Variants in NF1 observed in about 807,000 individuals in gnomAD.
NF1 encodes neurofibromin 1.
NF1 carries 122 observed loss-of-function variants against 325.7 expected under a neutral mutation model. The ratio of observed to expected loss-of-function variants is 0.37; its 90% CI spans 0.32 to 0.44. The LOEUF (loss-of-function observed/expected upper bound fraction) is 0.44. Among genes scored for constraint, NF1 ranks in the 20% least tolerant of loss-of-function variants. NF1 has a pLI of 1.00. For missense variants in NF1, 2,140 were observed against 3,415.4 expected (o/e 0.63, Z 9.31); for synonymous variants, 1,091 against 1,186.0 (o/e 0.92, Z 1.65).
intron 12 of NF1, among the ~76,000 whole-genome samples, chr17:31,212,505 C>G (rs8072036): frequency 1.5e-4 from 23 of 152,242 alleles, no homozygotes; most frequent in African/African-American, 5.5e-4. Flanking sequence ...GATCAGGAGT[C>G]GAGACCAGCC....
chr17:31,196,774 G>C (rs372460077), intron 8 of NF1, among the ~76,000 whole-genome samples: 2 of 152,050 alleles, frequency 1.3e-5, no homozygotes, highest in East Asian at 1.9e-4. Context: ...AGTTTTCCTA[G>C]CATCATTTGT....
chr17:31,112,298 G>A (rs1281910693), intron 1 of NF1, among the ~76,000 whole-genome samples: 1 of 151,984 alleles, frequency 6.6e-6, no homozygotes, highest in African/African-American at 2.4e-5. Flanking sequence ...AGTAGAAATG[G>A]GTGGATCATA....
chr17:31,262,006 ATTAT>A, intron 35 of NF1, 149 bp downstream of exon 35: 4 of 675,786 alleles, frequency 5.9e-6, no homozygotes, highest in Middle Eastern at 4.2e-4. Flanking sequence ...CCAACTATAT[ATTAT>A]TTATATATAT....
chr17:31,169,327 A>G (rs1421111312), intron 4 of NF1, among the ~76,000 whole-genome samples: 2 of 152,198 alleles, frequency 1.3e-5, no homozygotes, highest in African/African-American at 2.4e-5. Flanking sequence ...AAAGTCGGCA[A>G]TATTTAGACA....
Position 31,261,655 on chromosome 17 carries a change from G to A in NF1, c.4578-56G>A. The A allele has an allele frequency of 2.5e-6, 4 of 1,594,796 alleles. No homozygotes were observed. In the South Asian group the frequency reaches 3.3e-5, roughly 13 times the overall value. On this transcript the variant is annotated intron_variant, in intron 34 of 57. Coordinates refer to ENST00000358273, the MANE Select transcript of NF1 (RefSeq NM_001042492.3). The stretch of plus-strand genomic sequence containing the variant: ...GCAACCAGTTACAAGTTAAAGAAAT[G>A]TGTAGTGCTAAATGTGAACTGCTAA...
intron 14 of NF1, among the ~76,000 whole-genome samples, chr17:31,221,304 T>C (rs1398985619): frequency 1.3e-5 from 2 of 152,140 alleles, no homozygotes; most frequent in Admixed American, 1.3e-4. Context: ...CTGTGGTCAA[T>C]TGAAATACTT....
At chr17:31,352,529 C>T (rs1015219534) in intron 51 of NF1, 115 bp downstream of exon 51, 1 of 1,016,886 alleles carries the variant, frequency 9.8e-7, no homozygotes, top group Non-Finnish European at 1.4e-6. Context: ...GTCAGTGTAG[C>T]AAAGTTTTTG....
intron 4 of NF1, among the ~76,000 whole-genome samples, chr17:31,167,418 G>A (rs1363951303): frequency 1.3e-5 from 2 of 152,148 alleles, no homozygotes; most frequent in Non-Finnish European, 2.9e-5. Flanking sequence ...GGAAGAATAG[G>A]ATTGATTACA....
At chr17:31,270,412 C>T (rs925439172) in intron 36 of NF1, among the ~76,000 whole-genome samples, 1 of 152,176 alleles carries the variant, frequency 6.6e-6, no homozygotes, top group Non-Finnish European at 1.5e-5. Flanking sequence ...AGTTTGAGAT[C>T]AGCTTGGGCA....
intron 38 of NF1, 22 bp from the exon 39 acceptor site, chr17:31,330,274 C>T (rs943309149): frequency 9.3e-6 from 15 of 1,608,706 alleles, no homozygotes; most frequent in Non-Finnish European, 1.3e-5. Context: ...TTTAAAACAA[C>T]TTCATTTGTG....
chr17:31,318,550 GATAGAA>G (rs2069088705), intron 36 of NF1: 2 of 1,614,072 alleles, frequency 1.2e-6, no homozygotes, highest in Non-Finnish European at 1.7e-6. Flanking sequence ...AACCACAGTT[GATAGAA>G]ATAGAAAGGT....
At chr17:31,099,842 T>G (rs1001976884) in intron 1 of NF1, among the ~76,000 whole-genome samples, 1 of 152,026 alleles carries the variant, frequency 6.6e-6, no homozygotes, top group Non-Finnish European at 1.5e-5. Context: ...ATTACAGGCG[T>G]GAGCCACCAC....
chr17:31,143,281 T>A (rs1470191434), intron 1 of NF1, among the ~76,000 whole-genome samples: 1 of 151,750 alleles, frequency 6.6e-6, no homozygotes, highest in African/African-American at 2.4e-5. Context: ...ACACACACAC[T>A]CTTTGAGACG....
rs113453118 is a variant in NF1, at chr17:31,282,060, GA to G, written c.4835+16736del. On this transcript the variant is annotated intron_variant, in intron 36 of 57. Coordinates refer to ENST00000358273, the MANE Select transcript of NF1 (RefSeq NM_001042492.3). ...GGACAATGGAGAGAGACCCTGTCTG[GA>G]AAAAAAAAAAAAAATCTTTTTTTTA... Among the ~76,000 whole-genome samples, 751 of 137,814 alleles carry G rather than the reference GA, an allele frequency of 5.4e-3. 1 individual carries two copies. Among genetic ancestry groups the G allele is most frequent in the African/African-American group, 0.011 (405 of 37,626 alleles). The allele number at this position is 137,814 out of a possible 152,430, so 90.4% of individuals were successfully genotyped here. A position where few individuals can be genotyped will look rare whatever the true frequency, so the allele number is the denominator to read the frequency against.
At chr17:31,195,681 T>C (rs534840259) in intron 8 of NF1, among the ~76,000 whole-genome samples, 26 of 146,808 alleles carry the variant, frequency 1.8e-4, no homozygotes, top group Non-Finnish European at 1.4e-4. Flanking sequence ...TCCATTCATG[T>C]TGCCTTGAAA....
chr17:31,171,936 G>GA (rs1015970344), intron 5 of NF1, among the ~76,000 whole-genome samples: 2 of 152,192 alleles, frequency 1.3e-5, no homozygotes, highest in Non-Finnish European at 2.9e-5. Flanking sequence ...GTTATTTGCA[G>GA]AAAAAAACTA....
intron 36 of NF1, among the ~76,000 whole-genome samples, chr17:31,284,886 C>T (rs1408593057): frequency 2.0e-5 from 3 of 152,062 alleles, no homozygotes; most frequent in Middle Eastern, 3.4e-3. Context: ...ATTAGGAGGC[C>T]GAGGTGGGCA....
In NF1 at chr17:31,360,852, C is replaced by T; in HGVS notation, c.8377+149C>T. On this transcript the variant is annotated intron_variant, in intron 57 of 57. Transcript: ENST00000358273. ...CTTCTTTACCTTGTAACTGACTTGA[C>T]TTTTGTTATTCTATGAAGCTTTCTA... The T allele has an allele frequency of 6.9e-6, 5 of 723,416 alleles. No homozygotes were observed. In the Admixed American group the frequency reaches 1.1e-4, roughly 15 times the overall value. The allele number at this position is 723,416 out of a possible 1,614,324, so 44.8% of individuals were successfully genotyped here.
intron 36 of NF1, among the ~76,000 whole-genome samples, chr17:31,288,522 GTTTTTTT>G (rs200926157): frequency 3.4e-4 from 41 of 119,710 alleles, no homozygotes; most frequent in African/African-American, 6.5e-4. Flanking sequence ...TTTTTGCTTT[GTTTTTTT>G]TTTTTTTTTT....
Sources: gnomAD v4.1 joint callset for allele counts (sites outside exome capture counted in the v4.1 genomes callset) on GRCh38, gnomAD v4.1.1 for gene constraint, MANE v1.5 for transcripts, NCBI Gene and HGNC (gene_info 2026-07-23, HGNC 2026-07-21) for gene names.